BAZ2B: variants seen among roughly 807,000 people sequenced by gnomAD.
The protein encoded by BAZ2B is bromodomain adjacent to zinc finger domain 2B.
BAZ2B carries 91 observed loss-of-function variants against 246.0 expected under a neutral mutation model. That is an observed-to-expected ratio of 0.37 (90% CI 0.31 to 0.44). The LOEUF (loss-of-function observed/expected upper bound fraction) is 0.44. Among genes scored for constraint, BAZ2B ranks in the 20% least tolerant of loss-of-function variants. BAZ2B has a pLI of 1.00. For missense variants in BAZ2B, 2,332 were observed against 2,533.7 expected (o/e 0.92, Z 1.71); for synonymous variants, 855 against 860.0 (o/e 0.99, Z 0.10).
intron 2 of BAZ2B, among the ~76,000 whole-genome samples, chr2:159,486,332 C>A (rs898940734): frequency 1.3e-5 from 2 of 151,882 alleles, no homozygotes; most frequent in Admixed American, 6.6e-5. Context: ...TGGAAAGCAA[C>A]TGAAACCAAT....
At chr2:159,406,026 G>A (rs1318705577) in intron 14 of BAZ2B, among the ~76,000 whole-genome samples, 1 of 152,184 alleles carries the variant, frequency 6.6e-6, no homozygotes, top group Non-Finnish European at 1.5e-5. Context: ...ATACATGTAT[G>A]AAACTAGGGT....
chr2:159,632,269 A>G, the BAZ2B span, among the ~76,000 whole-genome samples: 1 of 152,228 alleles, frequency 6.6e-6, no homozygotes, highest in Non-Finnish European at 1.5e-5. Context: ...CTGTTCACCC[A>G]AGCCAGTCAC....
intron 1 of BAZ2B, among the ~76,000 whole-genome samples, chr2:159,565,343 C>A (rs1265888342): frequency 6.6e-6 from 1 of 152,110 alleles, no homozygotes; most frequent in African/African-American, 2.4e-5. Context: ...GGTACTATAC[C>A]TAGAGGGGGA....
At chr2:159,590,469 T>C (rs151146125) in intron 1 of BAZ2B, among the ~76,000 whole-genome samples, 198 of 151,698 alleles carry the variant, frequency 1.3e-3, no homozygotes, top group African/African-American at 4.6e-3. Context: ...TGGGCGCCTA[T>C]AATCTCAGCT....
chr2:159,403,819 T>C (rs1384874830), intron 16 of BAZ2B, among the ~76,000 whole-genome samples: 1 of 152,182 alleles, frequency 6.6e-6, no homozygotes, highest in Admixed American at 6.5e-5. Flanking sequence ...TTTATTCAGA[T>C]ATTGCAGTTA....
At chr2:159,492,983 A>G (rs1287710367) in intron 2 of BAZ2B, among the ~76,000 whole-genome samples, 2 of 152,216 alleles carry the variant, frequency 1.3e-5, no homozygotes, top group Non-Finnish European at 2.9e-5. Context: ...AATTACTGAA[A>G]ACACAGTTCT....
In BAZ2B at chr2:159,588,226, A is replaced by C. The variant is rs966105370; in HGVS notation, c.-46+28016T>G. ...CAAGACCCTGCATCAAAAAAAAAAA[A>C]AAAAAACCCCTGCTTGCCAAATGAA... On this transcript the variant is annotated intron_variant, in intron 1 of 36. Coordinates refer to ENST00000392783, the MANE Select transcript of BAZ2B (RefSeq NM_013450.4). Among the ~76,000 whole-genome samples the C allele has an allele frequency of 9.9e-5, 15 of 151,720 alleles. 1 individual carries two copies. Among genetic ancestry groups the C allele is most frequent in the Admixed American group, 2.6e-4 (4 of 15,212 alleles).
chr2:159,510,918 T>C (rs542515924), intron 2 of BAZ2B, among the ~76,000 whole-genome samples: 2 of 152,324 alleles, frequency 1.3e-5, no homozygotes, highest in East Asian at 3.9e-4. Flanking sequence ...CTGGTTTTTT[T>C]AATTACTGTA....
chr2:159,579,972 G>A (rs940975212), intron 1 of BAZ2B, among the ~76,000 whole-genome samples: 2 of 152,100 alleles, frequency 1.3e-5, no homozygotes, highest in Non-Finnish European at 2.9e-5. Flanking sequence ...ATACTGAATG[G>A]GCAAAAACTG....
At chr2:159,440,422 TC>T (rs2073158235) in intron 6 of BAZ2B, among the ~76,000 whole-genome samples, 1 of 152,022 alleles carries the variant, frequency 6.6e-6, no homozygotes, top group African/African-American at 2.4e-5. Context: ...AAATCTGTAG[TC>T]TTTTTATTGT....
At chr2:159,491,304 C>T (rs184517416) in intron 2 of BAZ2B, among the ~76,000 whole-genome samples, 16 of 152,260 alleles carry the variant, frequency 1.1e-4, no homozygotes, top group Admixed American at 1.0e-3. Flanking sequence ...ATGTGCACTT[C>T]TGATGTTTAA....
chr2:159,617,125 A>T (rs939567774), upstream of BAZ2B: 34 of 152,320 alleles, frequency 2.2e-4, no homozygotes, highest in African/African-American at 7.9e-4. Flanking sequence ...TGTAAAAGGT[A>T]ATCTCGATAG....
chr2:159,487,973 A>C (rs1169033890), intron 2 of BAZ2B, among the ~76,000 whole-genome samples: 1 of 152,138 alleles, frequency 6.6e-6, no homozygotes, highest in Non-Finnish European at 1.5e-5. Flanking sequence ...CAAATACAAG[A>C]AGCTCAAAGG....
the BAZ2B span, among the ~76,000 whole-genome samples, chr2:159,663,844 C>CA: frequency 1.5e-5 from 2 of 129,272 alleles, no homozygotes; most frequent in African/African-American, 2.9e-5. Flanking sequence ...AAGAAACTGT[C>CA]AAACCATTTT....
chr2:159,334,538 C>G (rs1019183325), intron 33 of BAZ2B, among the ~76,000 whole-genome samples: 5 of 152,194 alleles, frequency 3.3e-5, no homozygotes, highest in African/African-American at 1.2e-4. Context: ...ACTGTTATGT[C>G]TCTAAAGGTT....
chr2:159,696,394 T>C, the BAZ2B span, among the ~76,000 whole-genome samples: 2 of 152,142 alleles, frequency 1.3e-5, no homozygotes, highest in African/African-American at 4.8e-5. Context: ...CCCTTCTATA[T>C]TTTTCTTAAC....
intron 3 of BAZ2B, among the ~76,000 whole-genome samples, chr2:159,465,156 G>T (rs1323727975): frequency 2.6e-5 from 4 of 152,200 alleles, no homozygotes; most frequent in African/African-American, 9.6e-5. Flanking sequence ...GAAGGCACTA[G>T]GAAACATGAG....
the BAZ2B span, among the ~76,000 whole-genome samples, chr2:159,692,581 T>TGGCACAC: frequency 6.6e-6 from 1 of 152,182 alleles, no homozygotes; most frequent in Admixed American, 6.5e-5. Flanking sequence ...CTGGGCATGG[T>TGGCACAC]GGCACACGCC....
chr2:159,437,133 A>G (rs906160151), intron 8 of BAZ2B, among the ~76,000 whole-genome samples: 3 of 152,246 alleles, frequency 2.0e-5, no homozygotes, highest in African/African-American at 7.2e-5. Flanking sequence ...ATGCCCTACA[A>G]GTGATATCTA....
Sources: gnomAD v4.1 joint callset for allele counts (sites outside exome capture counted in the v4.1 genomes callset) on GRCh38, gnomAD v4.1.1 for gene constraint, MANE v1.5 for transcripts, NCBI Gene and HGNC (gene_info 2026-07-23, HGNC 2026-07-21) for gene names.